TARS1: variants seen among roughly 807,000 people sequenced by gnomAD.
TARS1 encodes the protein threonyl-tRNA synthetase 1.
TARS1 carries 57 observed loss-of-function variants against 97.7 expected under a neutral mutation model. The ratio of observed to expected loss-of-function variants is 0.58; its 90% CI spans 0.47 to 0.73. The LOEUF is 0.73. TARS1 is among the 30% of genes least tolerant of loss of function. TARS1 has a pLI of 0.00. For missense variants in TARS1, 806 were observed against 888.3 expected, an observed-to-expected ratio of 0.91 and a Z score of 1.18; for synonymous variants, 312 against 293.7, an observed-to-expected ratio of 1.06 and a Z score of -0.64.
At position 33,462,107 on chromosome 5, in the gene TARS1, G is replaced by T. The variant is rs138936240; in HGVS notation, c.1739G>T (p.Gly580Val). 3.7e-6 allele frequency: 6 copies of T among 1,611,730 alleles called. No individual in the cohort carries two copies. In the East Asian group the frequency reaches 1.1e-4, roughly 30 times the overall value. ...RFNLTYVSHD[G>V]DDKKRPVIVH... ...TTTTTTTTTCTTTATAGCCATGATG[G>T]TGATGATAAGAAAAGGCCAGTGATT... Residue 580 changes from glycine (G) to valine (V), a missense_variant, in exon 16 of 19, where the codon GGT (glycine) becomes GTT (valine). Gly to Val is a moderately radical substitution (Grantham distance 109, BLOSUM62 -3). Transcript: ENST00000265112.
chr5:33,466,492 G>A (rs912683824), intron 17 of TARS1, among the ~76,000 whole-genome samples: 1 of 151,658 alleles, frequency 6.6e-6, no homozygotes, highest in Non-Finnish European at 1.5e-5. Flanking sequence ...TCTGTAATCT[G>A]AGGTTCATAT....
At chr5:33,460,031 T>A in intron 11 of TARS1, 170 bp downstream of exon 11, 1 of 560,964 alleles carries the variant, frequency 1.8e-6, no homozygotes, top group Non-Finnish European at 2.8e-6. Flanking sequence ...ATCCCCACTT[T>A]TTTTTTTTTT....
chr5:33,451,879 A>G (rs1741756916), intron 3 of TARS1, among the ~76,000 whole-genome samples: 1 of 152,154 alleles, frequency 6.6e-6, no homozygotes, highest in African/African-American at 2.4e-5. Flanking sequence ...AATCTCCTGA[A>G]AACTGTTTTA....
At chr5:33,464,344 T>A (rs1742435818) in intron 17 of TARS1, among the ~76,000 whole-genome samples, 1 of 152,224 alleles carries the variant, frequency 6.6e-6, no homozygotes, top group Non-Finnish European at 1.5e-5. Context: ...TGAGTAATTT[T>A]GCTTCATTTT....
Position 33,467,876 on chromosome 5 carries a change from C to A in TARS1, c.*168C>A. 1 of 612,634 alleles carries A rather than the reference C, an allele frequency of 1.6e-6. No individual in the cohort carries two copies. The highest frequency in any genetic ancestry group is 2.6e-6 in the Non-Finnish European group (1 of 378,458). The allele number at this position is 612,634 out of a possible 1,614,324, so 37.9% of individuals were successfully genotyped here. A position where few individuals can be genotyped will look rare whatever the true frequency, so the allele number is the denominator to read the frequency against. The stretch of plus-strand genomic sequence containing the variant: ...ATTTTTGACCTAGTCAGTTTTTAAA[C>A]AATGTGCATTTGAAGGAGTTAATTA... On this transcript the variant is annotated 3_prime_UTR_variant, in exon 19 of 19. Transcript: ENST00000265112.
chr5:33,443,306 CCTCT>C (rs796951039), intron 1 of TARS1, among the ~76,000 whole-genome samples: 237 of 85,520 alleles, frequency 2.8e-3, no homozygotes, highest in African/African-American at 9.9e-3. Flanking sequence ...GTGGTGATTC[CCTCT>C]CTCTCTCTCC....
chr5:33,462,531 A>T (rs953553403), intron 16 of TARS1, among the ~76,000 whole-genome samples: 7 of 152,174 alleles, frequency 4.6e-5, no homozygotes, highest in South Asian at 2.1e-4. Context: ...TGGGATTTAG[A>T]TGGCTTTGCT....
chr5:33,462,472 T>A (rs533114973), intron 16 of TARS1, among the ~76,000 whole-genome samples: 1 of 152,252 alleles, frequency 6.6e-6, no homozygotes, highest in Non-Finnish European at 1.5e-5. Flanking sequence ...ATTAGTATTC[T>A]GTAAGAAGTA....
chr5:33,446,622 T>G, intron 2 of TARS1: 1 of 1,260,790 alleles, frequency 7.9e-7, no homozygotes, highest in Non-Finnish European at 1.0e-6. Flanking sequence ...CTTGCAGGTT[T>G]TATTCATCTC....
At chr5:33,453,728 T>A (rs1313211441) in intron 4 of TARS1, among the ~76,000 whole-genome samples, 2 of 151,926 alleles carry the variant, frequency 1.3e-5, no homozygotes. Flanking sequence ...TTTAATTTTT[T>A]TTTTTTTTAA....
At position 33,462,213 on chromosome 5, in the gene TARS1, G is replaced by A; in HGVS notation, c.1835+10G>A. 1 of 1,605,866 alleles carries A rather than the reference G, an allele frequency of 6.2e-7. No individual in the cohort carries two copies. On this transcript the variant is annotated intron_variant, in intron 16 of 18. Transcript: ENST00000265112. ...ACTATGGGGGCAAATGGTAATTTTT[G>A]TCACTGTCTTTTTTTTCTGATTAGT...
rs949352896 is a variant in TARS1, at chr5:33,446,862, T to C, written c.138+1458T>C. 9.8e-6 allele frequency: 7 copies of C among 714,026 alleles called. No homozygotes were observed. In the African/African-American group the frequency reaches 1.3e-4, roughly 13 times the overall value. 44.2% of individuals were successfully genotyped at this position (714,026 alleles called of 1,614,324 possible). A position where few individuals can be genotyped will look rare whatever the true frequency, so the allele number is the denominator to read the frequency against. ...TATGGTTGTAGAATGACAGGCTCTG[T>C]CTGAGCTTTTAGTTAATTCATGGGT... On this transcript the variant is annotated intron_variant, in intron 2 of 18. Coordinates refer to ENST00000265112, the MANE Select transcript of TARS1 (RefSeq NM_152295.5).
chr5:33,455,762 G>A, intron 6 of TARS1, 58 bp downstream of exon 6: 1 of 1,236,756 alleles, frequency 8.1e-7, no homozygotes, highest in South Asian at 1.3e-5. Context: ...CATGTTAGTT[G>A]AAGTGACACC....
At chr5:33,463,943 T>A in intron 17 of TARS1, 118 bp downstream of exon 17, 1 of 872,890 alleles carries the variant, frequency 1.1e-6, no homozygotes, top group South Asian at 1.6e-5. Context: ...ATGTTACTAT[T>A]TTTAATCTTT....
intron 1 of TARS1, among the ~76,000 whole-genome samples, chr5:33,442,592 G>A (rs1317719307): frequency 2.6e-5 from 4 of 151,934 alleles, no homozygotes; most frequent in East Asian, 3.9e-4. Flanking sequence ...CTGGAGTGCC[G>A]TGGTGCGATC....
intron 9 of TARS1, among the ~76,000 whole-genome samples, chr5:33,458,044 T>C (rs769957522): frequency 2.0e-5 from 3 of 152,134 alleles, no homozygotes; most frequent in Non-Finnish European, 2.9e-5. Flanking sequence ...CCTGAGGGCT[T>C]TTGGGCACTT....
intron 16 of TARS1, among the ~76,000 whole-genome samples, chr5:33,462,750 G>T (rs2111589113): frequency 6.6e-6 from 1 of 152,236 alleles, no homozygotes; most frequent in South Asian, 2.1e-4. Flanking sequence ...TAATTCTTAA[G>T]CAGTTTTTTC....
intron 18 of TARS1, 59 bp from the exon 19 acceptor site, chr5:33,467,501 G>C (rs1327388086): frequency 6.4e-7 from 1 of 1,570,342 alleles, no homozygotes; most frequent in African/African-American, 1.4e-5. Context: ...CAGATGTTCA[G>C]TGTGAATTCT....
At chr5:33,461,866 A>G (rs17455135) in intron 14 of TARS1, 40 bp from the exon 15 acceptor site, 35,062 of 1,599,668 alleles carry the variant, frequency 0.022, 470 homozygotes, top group Admixed American at 0.044. Flanking sequence ...CCACTTTAGT[A>G]TCACTGGCAT....
Sources: gnomAD v4.1 joint callset for allele counts (sites outside exome capture counted in the v4.1 genomes callset) on GRCh38, gnomAD v4.1.1 for gene constraint, MANE v1.5 for transcripts, NCBI Gene and HGNC (gene_info 2026-07-23, HGNC 2026-07-21) for gene names.